The following TMEM225B variants were observed in gnomAD, a reference collection of about 807,000 sequenced individuals.
TMEM225B encodes the protein transmembrane protein 225-like.
In TMEM225B, 10 loss-of-function variants were observed where a neutral mutation model predicts 16.9. The observed-to-expected ratio is 0.59, with a 90% CI of 0.36 to 1.00. TMEM225B has a LOEUF of 1.00. Among genes scored for constraint, TMEM225B ranks in the 50% least tolerant of loss-of-function variants. TMEM225B has a pLI of 0.01. For synonymous variants in TMEM225B, 92 were observed against 109.8 expected (o/e 0.84, Z 1.01); for missense variants, 217 against 267.0 (o/e 0.81, Z 1.30).
At chr7:99,600,002 A>C (rs529280072) in intron 1 of TMEM225B, among the ~76,000 whole-genome samples, 23 of 152,332 alleles carry the variant, frequency 1.5e-4, no homozygotes, top group African/African-American at 5.5e-4. Flanking sequence ...CAGTGCTGGC[A>C]CTAAGGGCTG....
At chr7:99,603,857 G>A (rs1379326561) in intron 2 of TMEM225B, among the ~76,000 whole-genome samples, 1 of 151,692 alleles carries the variant, frequency 6.6e-6, no homozygotes, top group Non-Finnish European at 1.5e-5. Flanking sequence ...GACCTTCCTG[G>A]GCTTAGGCGA....
intron 5 of TMEM225B, among the ~76,000 whole-genome samples, chr7:99,609,351 T>C (rs773496064): frequency 2.0e-5 from 3 of 152,222 alleles, no homozygotes; most frequent in Non-Finnish European, 4.4e-5. Context: ...TAGAGTAGTC[T>C]GCTATAATGC....
At chr7:99,604,997 AAACAACAACAAC>A (rs143208811) in intron 3 of TMEM225B, among the ~76,000 whole-genome samples, 81 of 138,450 alleles carry the variant, frequency 5.9e-4, no homozygotes, top group African/African-American at 1.0e-3. Flanking sequence ...CCCTGTCTCA[AAACAACAACAAC>A]AACAACAACA....
intron 5 of TMEM225B, among the ~76,000 whole-genome samples, chr7:99,608,584 T>C (rs528329337): frequency 3.3e-5 from 5 of 149,924 alleles, no homozygotes; most frequent in Admixed American, 3.3e-4. Context: ...GGGTCTTGCT[T>C]TGTTGCCCAG....
chr7:99,604,029 G>C (rs544351820), intron 2 of TMEM225B, among the ~76,000 whole-genome samples: 52 of 152,180 alleles, frequency 3.4e-4, no homozygotes, highest in African/African-American at 1.2e-3. Context: ...TAGTGGGATT[G>C]CAGGTGTGAA....
intron 2 of TMEM225B, 37 bp downstream of exon 2, chr7:99,600,322 G>C (rs1270504926): frequency 2.8e-6 from 2 of 702,764 alleles, no homozygotes; most frequent in Non-Finnish European, 5.2e-6. Flanking sequence ...GGGAGTGGCT[G>C]GGAGGGCTGC....
Position 99,604,410 on chromosome 7 carries a change from G to A in TMEM225B, c.22G>A (p.Asp8Asn). ...GGTGATGCTGACGTTAGAGGACAAG[G>A]ACATGAAGGGATTCTCCTGGGCCAT... The part of the protein sequence containing the change: MLTLEDK[D>N]MKGFSWAIVP... The change falls in exon 3 of 6, where the codon GAC becomes AAC. Residue 8 changes from aspartate to asparagine, a missense_variant. Transcript: ENST00000431679. The A allele has an allele frequency of 6.5e-7, 1 of 1,536,006 alleles. No homozygotes were observed. The highest frequency in any genetic ancestry group is 8.7e-7 in the Non-Finnish European group (1 of 1,146,840).
At chr7:99,607,957 A>T in intron 5 of TMEM225B, 147 bp downstream of exon 5, 1 of 902,034 alleles carries the variant, frequency 1.1e-6, no homozygotes, top group East Asian at 2.9e-5. Context: ...AACTTTCGTT[A>T]ATTAAAATAG....
chr7:99,607,790 T>C lies in TMEM225B; in HGVS notation c.473T>C (p.Ile158Thr). Residue 158 changes from isoleucine (I) to threonine (T), a missense_variant, in exon 5 of 6, where the codon ATC (isoleucine) becomes ACC (threonine). Ile to Thr is a moderately conservative substitution (Grantham distance 89). Transcript: ENST00000431679. ...CCTTACTACGTGCTGGGCTTCGGCA[T>C]CTTTCTGTTCATAGTGGCTGGTGAG... ...LWPYYVLGFG[I>T]FLFIVAGTIC... is the part of the protein sequence containing the mutation. 2 of 1,536,106 alleles carry C rather than the reference T, an allele frequency of 1.3e-6. No homozygotes were observed. The highest frequency in any genetic ancestry group is 1.7e-6 in the Non-Finnish European group (2 of 1,146,876).
intron 5 of TMEM225B, 97 bp downstream of exon 5, chr7:99,607,907 A>G: frequency 7.7e-7 from 1 of 1,294,042 alleles, no homozygotes. Context: ...CTAGAATTGC[A>G]CTGTTCCAAA....
rs1050559026 is a variant in TMEM225B, at chr7:99,609,537, C to G, written c.494-856C>G. 4.6e-5 allele frequency among the ~76,000 whole-genome samples: 7 copies of G among 151,998 alleles called. No homozygotes were observed. In the East Asian group the frequency reaches 1.4e-3, roughly 30 times the overall value. On this transcript the variant is annotated intron_variant, in intron 5 of 5. Coordinates refer to ENST00000431679, the MANE Select transcript of TMEM225B (RefSeq NM_001195541.3). Reference sequence around the variant, plus strand: ...CACTGCAACCTCCGTCTCCTGGGTTCAAGCAATTCTGCCTCAGCCTCCCAA... The same window carrying G: ...CACTGCAACCTCCGTCTCCTGGGTTGAAGCAATTCTGCCTCAGCCTCCCAA...
intron 1 of TMEM225B, among the ~76,000 whole-genome samples, 156 bp from the exon 2 acceptor site, chr7:99,600,046 AAGG>A (rs1805221906): frequency 6.6e-6 from 1 of 152,238 alleles, no homozygotes; most frequent in Admixed American, 6.5e-5. Context: ...TGCCCAGGGA[AAGG>A]AGGACAAGGT....
At position 99,606,994 on chromosome 7, in the gene TMEM225B, T is replaced by G. The variant is rs557521878; in HGVS notation, c.355+100T>G. On this transcript the variant is annotated intron_variant, in intron 4 of 5. Coordinates refer to ENST00000431679, the MANE Select transcript of TMEM225B (RefSeq NM_001195541.3). ...CTCTGTGATGTCAAAAGAGGCATAATTTTTCTTTTTAGGGACAGGGTCTCA... is the reference window on the plus strand; with the variant it reads ...CTCTGTGATGTCAAAAGAGGCATAAGTTTTCTTTTTAGGGACAGGGTCTCA... 6.0e-5 allele frequency: 83 copies of G among 1,373,876 alleles called. No homozygotes were observed. In the African/African-American group the frequency reaches 1.1e-3, roughly 19 times the overall value. 85.1% of individuals were successfully genotyped at this position (1,373,876 alleles called of 1,614,324 possible). A position where few individuals can be genotyped will look rare whatever the true frequency, so the allele number is the denominator to read the frequency against.
At chr7:99,608,034 C>T (rs922180555) in intron 5 of TMEM225B, among the ~76,000 whole-genome samples, 1 of 152,206 alleles carries the variant, frequency 6.6e-6, no homozygotes. Flanking sequence ...ATGGGTGGAT[C>T]ACTTGAGGCC....
chr7:99,602,302 G>A (rs1358975827), intron 2 of TMEM225B, among the ~76,000 whole-genome samples: 1 of 152,170 alleles, frequency 6.6e-6, no homozygotes, highest in East Asian at 1.9e-4. Context: ...CAGACAGAGG[G>A]GAAAGCAGAT....
At position 99,610,661 on chromosome 7, in the gene TMEM225B, C is replaced by T. The variant is rs1806269403; in HGVS notation, c.*96C>T. On this transcript the variant is annotated 3_prime_UTR_variant, in exon 6 of 6. Transcript: ENST00000431679. ...CCACCCTCTCTGCCAGTATCTGTGC[C>T]TTTGAGGAGCTTCTTGCGTGTCAGA... is the stretch of plus-strand genomic sequence containing the variant. 5 of 1,024,590 alleles carry T rather than the reference C, an allele frequency of 4.9e-6. No homozygotes were observed. In the South Asian group the frequency reaches 8.3e-5, roughly 17 times the overall value. The allele number at this position is 1,024,590 out of a possible 1,614,324, so 63.5% of individuals were successfully genotyped here. A position where few individuals can be genotyped will look rare whatever the true frequency, so the allele number is the denominator to read the frequency against.
intron 3 of TMEM225B, 138 bp from the exon 4 acceptor site, chr7:99,606,610 A>C: frequency 1.4e-6 from 1 of 703,694 alleles, no homozygotes; most frequent in Non-Finnish European, 2.3e-6. Flanking sequence ...GCATGGTCAC[A>C]ACCTTGGTCC....
chr7:99,603,891 T>A (rs985922520), intron 2 of TMEM225B, among the ~76,000 whole-genome samples: 1 of 152,126 alleles, frequency 6.6e-6, no homozygotes, highest in East Asian at 1.9e-4. Flanking sequence ...GGCTTCTGAG[T>A]AGCTGGGACT....
intron 1 of TMEM225B, among the ~76,000 whole-genome samples, chr7:99,599,070 C>T (rs1176500936): frequency 6.6e-6 from 1 of 152,136 alleles, no homozygotes; most frequent in Non-Finnish European, 1.5e-5. Context: ...CGCCATTCTC[C>T]TGCCTCAGCC....
Sources: allele counts gnomAD v4.1 joint callset (sites outside exome capture counted in the v4.1 genomes callset), GRCh38; gene constraint gnomAD v4.1.1; transcripts MANE v1.5; gene names NCBI Gene and HGNC (gene_info 2026-07-23, HGNC 2026-07-21).